The following PTPN23 variants were observed in gnomAD, a reference collection of about 807,000 sequenced individuals.
PTPN23 encodes the protein tyrosine-protein phosphatase non-receptor type 23.
In PTPN23, 72 loss-of-function variants were observed where a neutral mutation model predicts 156.3. That is an observed-to-expected ratio of 0.46 (90% CI 0.38 to 0.56). The LOEUF is 0.56. Among genes scored for constraint, PTPN23 ranks in the 20% least tolerant of loss-of-function variants. The pLI is 0.00. For synonymous variants in PTPN23, 957 were observed against 899.6 expected (o/e 1.06, Z -1.14); for missense variants, 1,974 against 2,171.5 (o/e 0.91, Z 1.81).
chr3:47,412,458 C>T, intron 23 of PTPN23, 37 bp downstream of exon 23: 1 of 1,611,630 alleles, frequency 6.2e-7, no homozygotes, highest in South Asian at 1.1e-5. Flanking sequence ...GATGGGCCTT[C>T]TGTCCCAGGG....
chr3:47,405,162 G>A lies in PTPN23; in HGVS notation c.364+81G>A. 2.3e-6 allele frequency: 3 copies of A among 1,328,928 alleles called. No homozygotes were observed. Among genetic ancestry groups the A allele is most frequent in the South Asian group, 1.2e-5 (1 of 84,696 alleles). The allele number at this position is 1,328,928 out of a possible 1,614,324, so 82.3% of individuals were successfully genotyped here. Reference sequence around the variant, plus strand: ...TTCAGCTCTTCAGATGGCCACAAAGGCAGTGGGCTGATAAAGGGAGGACTC... The same window carrying A: ...TTCAGCTCTTCAGATGGCCACAAAGACAGTGGGCTGATAAAGGGAGGACTC... On this transcript the variant is annotated intron_variant, in intron 4 of 24. Transcript: ENST00000265562. The surrounding 1 kb of genome is among the most constrained non-coding windows in gnomAD (Gnocchi z 4.7).
Position 47,403,084 on chromosome 3 carries a change from G to A in PTPN23, c.160-1568G>A, listed in dbSNP as rs571142156. ...TTTTTTTTTTTTGAGACGGAGTCTCGCTGTCGCCCAGGCTGGAGTGCAGTG... is the reference window on the plus strand; with the variant it reads ...TTTTTTTTTTTTGAGACGGAGTCTCACTGTCGCCCAGGCTGGAGTGCAGTG... On this transcript the variant is annotated intron_variant, in intron 2 of 24. Transcript: ENST00000265562. Among the ~76,000 whole-genome samples the A allele has an allele frequency of 2.1e-3, 303 of 147,350 alleles. 1 individual carries two copies. Among genetic ancestry groups the A allele is most frequent in the Admixed American group, 4.8e-3 (71 of 14,746 alleles).
rs138754006 is a variant in PTPN23 at position 47,408,369 on chromosome 3, G to A, written c.1209G>A (p.Leu403=). The change falls in exon 15 of 25, where the codon TTG becomes TTA. Residue 403 remains leucine (L), a synonymous_variant. Transcript: ENST00000265562. ...GCCAGTTCATGGATTCAATGCAGTT[G>A]GATCCCGAGACGGTGGACAACCTTG... ...VLDQFMDSMQ[L]DPETVDNLDA... The A allele has an allele frequency of 1.9e-3, 2,994 of 1,614,088 alleles. 4 individuals carry two copies. The highest frequency in any genetic ancestry group is 2.3e-3 in the Non-Finnish European group (2,718 of 1,179,976).
chr3:47,381,134 AC>A lies in PTPN23; in HGVS notation c.40del (p.Leu14Ter). 1 of 1,591,940 alleles carries A rather than the reference AC, an allele frequency of 6.3e-7. No homozygotes were observed. ...AVPRMPMIWLDLKEAGDFHFQ... is the reference protein window; with the variant it reads ...AVPRMPMIWLXLKEAGDFHFQ... ...CCCCGCATGCCCATGATCTGGCTGGACCTGAAGGAGGCCGGTGACTTTCACT... is the reference window on the plus strand; with the variant it reads ...CCCCGCATGCCCATGATCTGGCTGGACTGAAGGAGGCCGGTGACTTTCACT... On this transcript the variant is annotated frameshift_variant, in exon 1 of 25. Coordinates refer to ENST00000265562, the MANE Select transcript of PTPN23 (RefSeq NM_015466.4). LOFTEE classifies it high-confidence loss of function.
Position 47,411,026 on chromosome 3 carries a change from C to T in PTPN23, c.3228C>T (p.Gly1076=). ...CCATTCGAGGGCCCTCGTCTGCTGG[C>T]CAGTCCACCCCTAGTCCCCACCTGG... ...PLTIRGPSSA[G]QSTPSPHLVP... Residue 1076 remains glycine (G), a synonymous_variant, in exon 20 of 25, where the codon GGC becomes GGT. Transcript: ENST00000265562. The surrounding 1 kb of genome is among the most constrained non-coding windows in gnomAD (Gnocchi z 6.3). The T allele has an allele frequency of 6.3e-7, 1 of 1,590,850 alleles. No homozygotes were observed. The highest frequency in any genetic ancestry group is 8.6e-7 in the Non-Finnish European group (1 of 1,168,992).
chr3:47,403,675 C>T (rs1705052948), intron 2 of PTPN23, among the ~76,000 whole-genome samples: 1 of 152,036 alleles, frequency 6.6e-6, no homozygotes. Flanking sequence ...ACCAAAGGCA[C>T]CATCACGCCT....
chr3:47,409,390 C>A, intron 17 of PTPN23, 27 bp from the exon 18 acceptor site: 2 of 1,613,742 alleles, frequency 1.2e-6, no homozygotes, highest in Non-Finnish European at 1.7e-6. Flanking sequence ...CCTGAGTGTC[C>A]GTCCCTGGCC....
At position 47,410,152 on chromosome 3, in the gene PTPN23, A is replaced by G; in HGVS notation, c.2354A>G (p.His785Arg). The G allele has an allele frequency of 6.3e-7, 1 of 1,591,310 alleles. No homozygotes were observed. The highest frequency in any genetic ancestry group is 8.6e-7 in the Non-Finnish European group (1 of 1,167,508). ...CCCAGCTCCACAGGCCCAGGACCCC[A>G]CTATCTCTCAGGCCCCTTGCCCCCT... ...PFPSSTGPGP[H>R]YLSGPLPPGT... The change falls in exon 20 of 25, where the codon CAC becomes CGC. Residue 785 changes from histidine (H) to arginine (R), a missense_variant. Transcript: ENST00000265562.
chr3:47,411,014 C>T lies in PTPN23; in HGVS notation c.3216C>T (p.Pro1072=), dbSNP rs758392924. Residue 1072 remains proline (P), a synonymous_variant, in exon 20 of 25, where the codon CCC becomes CCT. Coordinates refer to ENST00000265562, the MANE Select transcript of PTPN23 (RefSeq NM_015466.4). The surrounding 1 kb of genome is among the most constrained non-coding windows in gnomAD (Gnocchi z 6.3). Reference sequence around the variant, plus strand: ...CAGCCCCTCTTACCATTCGAGGGCCCTCGTCTGCTGGCCAGTCCACCCCTA... The same window carrying T: ...CAGCCCCTCTTACCATTCGAGGGCCTTCGTCTGCTGGCCAGTCCACCCCTA... ...PQAAPLTIRG[P]SSAGQSTPSP... is the part of the protein sequence containing the mutation. The T allele has an allele frequency of 1.9e-6, 3 of 1,596,390 alleles. No individual in the cohort carries two copies. Among genetic ancestry groups the T allele is most frequent in the African/African-American group, 2.7e-5 (2 of 74,680 alleles).
intron 1 of PTPN23, among the ~76,000 whole-genome samples, chr3:47,391,015 CAGA>C (rs968491546): frequency 6.6e-6 from 1 of 152,092 alleles, no homozygotes; most frequent in Non-Finnish European, 1.5e-5. Context: ...GAGTCTGAGG[CAGA>C]AGGATTGCTT....
intron 1 of PTPN23, among the ~76,000 whole-genome samples, chr3:47,389,839 T>C (rs1276418679): frequency 2.6e-4 from 16 of 62,662 alleles, no homozygotes; most frequent in African/African-American, 1.1e-3. Context: ...AGACTCCGTC[T>C]CAAAAAAAAA....
Position 47,408,381 on chromosome 3 carries a change from G to A in PTPN23, c.1221G>A (p.Thr407=), listed in dbSNP as rs1019117877. 6.8e-6 allele frequency: 11 copies of A among 1,613,998 alleles called. No individual in the cohort carries two copies. The highest frequency in any genetic ancestry group is 1.7e-5 in the Admixed American group (1 of 59,996). Residue 407 remains threonine, a synonymous_variant, in exon 15 of 25, where the codon ACG becomes ACA. Transcript: ENST00000265562. ...FMDSMQLDPE[T]VDNLDAYSHI... ...ATTCAATGCAGTTGGATCCCGAGAC[G>A]GTGGACAACCTTGATGCCTACAGCC...
chr3:47,392,977 A>G (rs922143844), intron 1 of PTPN23, among the ~76,000 whole-genome samples: 3 of 151,970 alleles, frequency 2.0e-5, no homozygotes, highest in Non-Finnish European at 4.4e-5. Context: ...GAGACTACAG[A>G]TGTGCGCTGC....
intron 2 of PTPN23, among the ~76,000 whole-genome samples, chr3:47,400,113 A>G (rs1704963580): frequency 6.6e-6 from 1 of 152,216 alleles, no homozygotes; most frequent in East Asian, 1.9e-4. Context: ...CCTAGTCTAG[A>G]TCACTGTTCC....
At chr3:47,385,633 C>T (rs1372787917) in intron 1 of PTPN23, among the ~76,000 whole-genome samples, 1 of 152,168 alleles carries the variant, frequency 6.6e-6, no homozygotes, top group Non-Finnish European at 1.5e-5. Flanking sequence ...GCCAAGATCA[C>T]ACCACTGTAC....
chr3:47,396,028 G>A (rs1271718372), intron 1 of PTPN23, 115 bp from the exon 2 acceptor site: 4 of 733,068 alleles, frequency 5.5e-6, no homozygotes, highest in South Asian at 1.8e-5. Context: ...CAGGAGACAC[G>A]CTTATGGTTG....
chr3:47,403,784 C>T (rs1705055569), intron 2 of PTPN23, among the ~76,000 whole-genome samples: 1 of 152,196 alleles, frequency 6.6e-6, no homozygotes, highest in Non-Finnish European at 1.5e-5. Context: ...CCACCTTGGC[C>T]TCCCAAAATG....
chr3:47,408,781 T>G lies in PTPN23; in HGVS notation c.1336T>G (p.Ser446Ala). 6.3e-7 allele frequency: 1 copy of G among 1,589,456 alleles called. No individual in the cohort carries two copies. The highest frequency in any genetic ancestry group is 1.2e-5 in the South Asian group (1 of 85,796). The change falls in exon 16 of 25, where the codon TCA becomes GCA. Residue 446 changes from serine to alanine, a missense_variant. Coordinates refer to ENST00000265562, the MANE Select transcript of PTPN23 (RefSeq NM_015466.4). ...RNLVQSMQVL[S>A]GVFTDVEASL... ...TGTACAATCCACAACCCCAGTGCTG[T>G]CAGGTGTGTTCACGGATGTGGAGGC...
chr3:47,401,280 C>G (rs1294476747), intron 2 of PTPN23, among the ~76,000 whole-genome samples: 1 of 152,112 alleles, frequency 6.6e-6, no homozygotes. Context: ...CTCACTGCAG[C>G]CTCCACCTCC....
Sources: allele counts gnomAD v4.1 joint callset (sites outside exome capture counted in the v4.1 genomes callset), GRCh38; gene constraint gnomAD v4.1.1; non-coding constraint Gnocchi (gnomAD v3.1); transcripts MANE v1.5; gene names NCBI Gene and HGNC (gene_info 2026-07-23, HGNC 2026-07-21).